Variants in ARHGAP6 observed in about 807,000 individuals in gnomAD.
The protein encoded by ARHGAP6 is rho GTPase-activating protein 6.
A neutral mutation model predicts 55.7 loss-of-function variants in ARHGAP6; 16 were observed. The ratio of observed to expected loss-of-function variants is 0.29; its 90% CI spans 0.19 to 0.44. ARHGAP6 has a LOEUF of 0.44. Among genes scored for constraint, ARHGAP6 ranks in the 20% least tolerant of loss-of-function variants. The probability of loss-of-function intolerance (pLI) is 1.00; values close to 1 mark genes in which losing one functional copy is unlikely to be tolerated. For missense variants in ARHGAP6, 698 were observed against 808.9 expected (o/e 0.86, Z 1.66); for synonymous variants, 382 against 360.9 (o/e 1.06, Z -0.66).
intron 2 of ARHGAP6, among the ~76,000 whole-genome samples, chrX:11,226,074 T>A (rs1346960442): frequency 9.1e-6 from 1 of 109,702 alleles, no homozygotes; most frequent in Non-Finnish European, 1.9e-5. Context: ...ATTGTATACA[T>A]GTGCCATGTT....
intron 1 of ARHGAP6, among the ~76,000 whole-genome samples, chrX:11,309,397 A>C (rs5979399): frequency 9.3e-6 from 1 of 107,727 alleles, no homozygotes; most frequent in Non-Finnish European, 1.9e-5. Context: ...GGAGCCGGCC[A>C]GGCAGTCTCC....
chrX:11,537,832 C>A (rs2051118840), intron 1 of ARHGAP6, among the ~76,000 whole-genome samples: 1 of 111,618 alleles, frequency 9.0e-6, no homozygotes, highest in African/African-American at 3.3e-5. Context: ...TCATTGCACA[C>A]CATGTGGTCT....
At chrX:11,186,455 A>G in intron 4 of ARHGAP6, 24 bp from the exon 5 acceptor site, 2 of 1,180,694 alleles carry the variant, frequency 1.7e-6, no homozygotes, top group Non-Finnish European at 2.3e-6. Context: ...AGAGCCGTGA[A>G]CATAAAGTAC....
chrX:11,574,476 A>G (rs1359081084), intron 1 of ARHGAP6, among the ~76,000 whole-genome samples: 2 of 108,612 alleles, frequency 1.8e-5, no homozygotes, highest in African/African-American at 6.7e-5. Flanking sequence ...GACAAAAACC[A>G]CATGATTATC....
intron 1 of ARHGAP6, among the ~76,000 whole-genome samples, chrX:11,429,797 C>T (rs191241025): frequency 1.8e-5 from 2 of 112,241 alleles, no homozygotes; most frequent in African/African-American, 6.5e-5. Context: ...CTAAAAGCAA[C>T]CTTTAGAGCA....
chrX:11,464,213 G>A (rs1490880026), intron 1 of ARHGAP6, among the ~76,000 whole-genome samples: 1 of 111,700 alleles, frequency 9.0e-6, no homozygotes, highest in African/African-American at 3.3e-5. Flanking sequence ...CTCCAAAAAA[G>A]GAATATTTAC....
rs780455582 is a variant in ARHGAP6, at chrX:11,188,771, G to C, written c.1034C>G (p.Thr345Arg). ...AGCCGGTTCCGGGGTGTTTGGGGAC[G>C]TTGACTCATTCGGTGTTTCTGAGGT... Reference protein sequence around the residue: ...SSTSETPNESTSPNTPEPAPR... With the variant: ...SSTSETPNESRSPNTPEPAPR... The change falls in exon 4 of 13, where the codon ACG becomes AGG. Residue 345 changes from threonine (T) to arginine (R), a missense_variant. Thr to Arg is a moderately conservative substitution (Grantham distance 71). Coordinates refer to ENST00000337414, the MANE Select transcript of ARHGAP6 (RefSeq NM_013427.3). 8.3e-7 allele frequency: 1 copy of C among 1,211,926 alleles called. No homozygotes were observed. The highest frequency in any genetic ancestry group is 1.7e-5 in the African/African-American group (1 of 57,875).
At chrX:11,458,138 CAG>C (rs1046332057) in intron 1 of ARHGAP6, among the ~76,000 whole-genome samples, 1 of 112,349 alleles carries the variant, frequency 8.9e-6, no homozygotes, top group African/African-American at 3.2e-5. Flanking sequence ...GTCCCTGATT[CAG>C]AGTTATATGA....
At chrX:11,370,489 A>G (rs1026495347) in intron 1 of ARHGAP6, among the ~76,000 whole-genome samples, 5 of 111,607 alleles carry the variant, frequency 4.5e-5, no homozygotes, top group Admixed American at 9.5e-5. Context: ...CTAATGTAGG[A>G]CCCATGTTCT....
chrX:11,503,053 G>A (rs1042040051), intron 1 of ARHGAP6, among the ~76,000 whole-genome samples: 5 of 110,281 alleles, frequency 4.5e-5, no homozygotes, highest in Non-Finnish European at 9.5e-5. Flanking sequence ...GCGCCACCAC[G>A]TCTGGCTAAT....
At chrX:11,294,863 A>G (rs1289098660) in intron 1 of ARHGAP6, 2 of 1,206,683 alleles carry the variant, frequency 1.7e-6, no homozygotes, top group East Asian at 3.0e-5. Context: ...CACCCCTTGC[A>G]TAAGTCAGTG....
intron 1 of ARHGAP6, among the ~76,000 whole-genome samples, chrX:11,564,037 A>C (rs1317834722): frequency 9.0e-6 from 1 of 111,581 alleles, no homozygotes. Flanking sequence ...ATCATTGTCA[A>C]CAAAAAAATT....
chrX:11,571,606 C>T (rs2051517802), intron 1 of ARHGAP6, among the ~76,000 whole-genome samples: 1 of 109,072 alleles, frequency 9.2e-6, no homozygotes, highest in Non-Finnish European at 1.9e-5. Flanking sequence ...GGTGGCTTTT[C>T]AGGTGTAAAC....
intron 1 of ARHGAP6, among the ~76,000 whole-genome samples, chrX:11,538,485 T>A (rs968026361): frequency 1.3e-4 from 15 of 111,649 alleles, no homozygotes; most frequent in Admixed American, 5.7e-4. Flanking sequence ...CCCCAAAAAT[T>A]CAATTACTCA....
chrX:11,169,417 G>A, intron 9 of ARHGAP6, 88 bp downstream of exon 9: 1 of 940,637 alleles, frequency 1.1e-6, no homozygotes, highest in Non-Finnish European at 1.4e-6. Flanking sequence ...CTGCACCCCA[G>A]AGGGTGGTCT....
At chrX:11,197,026 G>C in intron 2 of ARHGAP6, 30 bp from the exon 3 acceptor site, 3 of 743,533 alleles carry the variant, frequency 4.0e-6, no homozygotes, top group Non-Finnish European at 6.2e-6. Context: ...AAGTTATAAA[G>C]ATAAACATAT....
At position 11,139,491 on chromosome X, in the gene ARHGAP6, G is replaced by T; in HGVS notation, c.2297C>A (p.Ala766Glu). ...GDIFESSSLR[A>E]GPCSLSQGNL... ...CCCTTGAGAAAGGGAGCAGGGCCCC[G>T]CTCTTAGGGAGCTGCTTTCAAAAAT... Residue 766 changes from alanine (A) to glutamate (E), a missense_variant, in exon 13 of 13, where the codon GCG (alanine) becomes GAG (glutamate). By Grantham distance (107) the Ala-to-Glu change is moderately radical. This residue lies in a region of ARHGAP6 where 212 missense variants were observed against 208.7 expected (regional missense o/e 1.02). Coordinates refer to ENST00000337414, the MANE Select transcript of ARHGAP6 (RefSeq NM_013427.3). 8.7e-7 allele frequency: 1 copy of T among 1,148,336 alleles called. No homozygotes were observed. Among genetic ancestry groups the T allele is most frequent in the Non-Finnish European group, 1.2e-6 (1 of 868,067 alleles). The allele number at this position is 1,148,336 out of a possible 1,213,427, so 94.6% of individuals were successfully genotyped here.
intron 1 of ARHGAP6, among the ~76,000 whole-genome samples, chrX:11,517,684 C>T (rs1306525057): frequency 1.8e-5 from 2 of 111,420 alleles, no homozygotes; most frequent in Non-Finnish European, 3.8e-5. Context: ...GGAACTGGAG[C>T]TGGAAGTCAC....
At chrX:11,357,886 T>A (rs2048952079) in intron 1 of ARHGAP6, among the ~76,000 whole-genome samples, 1 of 111,934 alleles carries the variant, frequency 8.9e-6, no homozygotes. Context: ...TCTTTAAAAT[T>A]GAGATATAAT....
Sources: allele counts gnomAD v4.1 joint callset (sites outside exome capture counted in the v4.1 genomes callset), GRCh38; gene constraint gnomAD v4.1.1; regional missense constraint gnomAD v4.1.1; transcripts MANE v1.5; gene names NCBI Gene and HGNC (gene_info 2026-07-23, HGNC 2026-07-21).